The following PDSS2 variants were observed in gnomAD, a reference collection of about 807,000 sequenced individuals.
The protein encoded by PDSS2 is all trans-polyprenyl-diphosphate synthase PDSS2.
Under a neutral mutation model 44.5 loss-of-function variants are expected in PDSS2, and 31 were observed. The observed-to-expected ratio is 0.70, with a 90% CI of 0.52 to 0.94. PDSS2 has a LOEUF of 0.94. PDSS2 is among the 40% of genes least tolerant of loss of function. The probability of loss-of-function intolerance (pLI) is 0.00; values close to 1 mark genes in which losing one functional copy is unlikely to be tolerated. For missense variants in PDSS2, 452 were observed against 482.2 expected, an observed-to-expected ratio of 0.94 and a Z score of 0.59; for synonymous variants, 157 against 180.3, an observed-to-expected ratio of 0.87 and a Z score of 1.03.
chr6:107,450,914 T>G (rs1270043533), intron 1 of PDSS2, among the ~76,000 whole-genome samples: 1 of 152,218 alleles, frequency 6.6e-6, no homozygotes, highest in Non-Finnish European at 1.5e-5. Flanking sequence ...CACTGCAGCC[T>G]CCAACTTCCG....
intron 1 of PDSS2, among the ~76,000 whole-genome samples, chr6:107,410,822 T>A (rs564900493): frequency 6.6e-6 from 1 of 151,972 alleles, no homozygotes; most frequent in South Asian, 2.1e-4. Flanking sequence ...TCACTTAGTA[T>A]ATCTATTCTT....
chr6:107,288,722 C>A (rs545677540), intron 2 of PDSS2, among the ~76,000 whole-genome samples: 2 of 140,976 alleles, frequency 1.4e-5, no homozygotes, highest in Non-Finnish European at 3.0e-5. Context: ...TAAGGAGGGG[C>A]TGGACAATAT....
chr6:107,195,493 A>T (rs1772524829), intron 6 of PDSS2, among the ~76,000 whole-genome samples: 1 of 151,434 alleles, frequency 6.6e-6, no homozygotes, highest in Admixed American at 6.6e-5. Context: ...AAAAAAAAAA[A>T]AAAAAAAATG....
chr6:107,226,043 T>TCACGCC (rs1161713422), intron 4 of PDSS2, among the ~76,000 whole-genome samples: 2 of 152,186 alleles, frequency 1.3e-5, no homozygotes, highest in African/African-American at 2.4e-5. Context: ...GTGCAGTGGC[T>TCACGCC]CACGCCTGTA....
intron 3 of PDSS2, among the ~76,000 whole-genome samples, chr6:107,252,299 G>C (rs60423456): frequency 0.011 from 1,641 of 152,316 alleles, 41 homozygotes; most frequent in African/African-American, 0.038. Context: ...TGAAAGGGCT[G>C]TTGCAATAAG....
intron 1 of PDSS2, among the ~76,000 whole-genome samples, chr6:107,377,580 C>T (rs1449443960): frequency 1.6e-4 from 24 of 152,072 alleles, no homozygotes; most frequent in East Asian, 3.9e-4. Flanking sequence ...TAAAGACACA[C>T]GCACACATAT....
chr6:107,170,428 G>A (rs1771522454), intron 7 of PDSS2, among the ~76,000 whole-genome samples: 1 of 152,138 alleles, frequency 6.6e-6, no homozygotes, highest in Non-Finnish European at 1.5e-5. Context: ...CACTTCCTGG[G>A]TGAGGCAATG....
intron 1 of PDSS2, among the ~76,000 whole-genome samples, chr6:107,396,970 G>A (rs1352239243): frequency 6.6e-6 from 1 of 152,108 alleles, no homozygotes; most frequent in African/African-American, 2.4e-5. Flanking sequence ...GGGGTTACAG[G>A]TGTAAGCCAC....
intron 3 of PDSS2, among the ~76,000 whole-genome samples, chr6:107,270,394 G>T (rs1416511395): frequency 6.6e-6 from 1 of 152,136 alleles, no homozygotes; most frequent in Admixed American, 6.5e-5. Context: ...TTACAGGCAT[G>T]AGCCACCGTG....
intron 2 of PDSS2, among the ~76,000 whole-genome samples, chr6:107,276,288 T>C (rs1273065474): frequency 1.3e-5 from 2 of 152,162 alleles, no homozygotes; most frequent in African/African-American, 4.8e-5. Context: ...CCCAGCTGGA[T>C]TTCAGAATTG....
chr6:107,280,345 A>G (rs1456684661), intron 2 of PDSS2, among the ~76,000 whole-genome samples: 1 of 152,232 alleles, frequency 6.6e-6, no homozygotes, highest in Non-Finnish European at 1.5e-5. Flanking sequence ...TACAGGCCTA[A>G]GCCACTATGC....
At chr6:107,455,564 G>C (rs1782010822) in intron 1 of PDSS2, among the ~76,000 whole-genome samples, 2 of 151,726 alleles carry the variant, frequency 1.3e-5, no homozygotes, top group African/African-American at 4.8e-5. Context: ...GACCATCGTG[G>C]CCAACATGGT....
At chr6:107,211,995 C>T (rs1338500685) in intron 5 of PDSS2, 114 bp downstream of exon 5, 1 of 870,580 alleles carries the variant, frequency 1.1e-6, no homozygotes, top group African/African-American at 1.7e-5. Context: ...CAGATTTGAA[C>T]CACACAATAA....
chr6:107,351,506 G>A (rs888885278), intron 1 of PDSS2, among the ~76,000 whole-genome samples: 2 of 152,084 alleles, frequency 1.3e-5, no homozygotes, highest in Non-Finnish European at 2.9e-5. Flanking sequence ...TTTAGAATAT[G>A]GTCCTCATCT....
intron 2 of PDSS2, among the ~76,000 whole-genome samples, chr6:107,294,342 TC>T (rs1776440925): frequency 6.6e-6 from 1 of 151,744 alleles, no homozygotes; most frequent in African/African-American, 2.4e-5. Flanking sequence ...ATCCTAAATG[TC>T]CCCCCAAATA....
intron 2 of PDSS2, among the ~76,000 whole-genome samples, chr6:107,303,394 T>C (rs1211958576): frequency 6.6e-6 from 1 of 152,230 alleles, no homozygotes; most frequent in Non-Finnish European, 1.5e-5. Flanking sequence ...GGGTCCCCAC[T>C]AGGTTCATCA....
rs192413393 is a variant in PDSS2 at position 107,288,913 on chromosome 6, C to A, written c.432-14686G>T. Among the ~76,000 whole-genome samples the A allele has an allele frequency of 1.8e-3, 275 of 151,102 alleles. 5 individuals carry two copies. The highest frequency in any genetic ancestry group is 6.5e-3 in the African/African-American group (268 of 41,260). ...AGCTGGGATTACACGTGTCCGCCAC[C>A]AAGCCCAGCTAATTTTTTGTATTTT... On this transcript the variant is annotated intron_variant, in intron 2 of 7. Coordinates refer to ENST00000369037, the MANE Select transcript of PDSS2 (RefSeq NM_020381.4).
chr6:107,244,032 G>A (rs1253877405), intron 4 of PDSS2, among the ~76,000 whole-genome samples: 2 of 152,204 alleles, frequency 1.3e-5, no homozygotes, highest in East Asian at 1.9e-4. Context: ...GGAGGCCGAG[G>A]CAGGATAATC....
At chr6:107,220,166 A>C (rs1773554054) in intron 4 of PDSS2, among the ~76,000 whole-genome samples, 1 of 152,110 alleles carries the variant, frequency 6.6e-6, no homozygotes, top group African/African-American at 2.4e-5. Context: ...GTATCACTTG[A>C]TAAAAGTTAC....
Sources: allele counts gnomAD v4.1 joint callset (sites outside exome capture counted in the v4.1 genomes callset), GRCh38; gene constraint gnomAD v4.1.1; transcripts MANE v1.5; gene names NCBI Gene and HGNC (gene_info 2026-07-23, HGNC 2026-07-21).